ACSF3: variants seen among roughly 807,000 people sequenced by gnomAD.
ACSF3 encodes malonate--CoA ligase ACSF3, mitochondrial.
A neutral mutation model predicts 53.2 loss-of-function variants in ACSF3; 78 were observed. The observed-to-expected ratio is 1.47, with a 90% CI of 1.22 to 1.77. The LOEUF is 1.77. Among genes scored for constraint, ACSF3 ranks in the 40% most tolerant of loss-of-function variants. The pLI, the probability that ACSF3 is intolerant of heterozygous loss-of-function variation, is 0.00. For missense variants in ACSF3, 937 were observed against 771.1 expected (o/e 1.22, Z -2.55); for synonymous variants, 414 against 333.1 (o/e 1.24, Z -2.65).
In ACSF3 at chr16:89,144,642, G is replaced by A. The variant is rs111246219; in HGVS notation, c.1367-625G>A. On this transcript the variant is annotated intron_variant, in intron 8 of 10. Transcript: ENST00000614302. ...GGCAGGACAGGGCCTGGTGGGCCTCGGCCCCTCTCCCAGAGCAGCCTGCCT... is the reference window on the plus strand; with the variant it reads ...GGCAGGACAGGGCCTGGTGGGCCTCAGCCCCTCTCCCAGAGCAGCCTGCCT... 2.4e-4 allele frequency among the ~76,000 whole-genome samples: 37 copies of A among 152,312 alleles called. 1 individual carries two copies. In the South Asian group the frequency reaches 6.0e-3, roughly 25 times the overall value.
At chr16:89,140,211 G>A (rs1021460074) in intron 8 of ACSF3, among the ~76,000 whole-genome samples, 3 of 152,226 alleles carry the variant, frequency 2.0e-5, no homozygotes, top group Non-Finnish European at 2.9e-5. Context: ...AATGGAGGCC[G>A]CCTTCCCCAC....
intron 8 of ACSF3, among the ~76,000 whole-genome samples, chr16:89,144,156 G>C (rs571299108): frequency 6.6e-6 from 1 of 152,216 alleles, no homozygotes; most frequent in African/African-American, 2.4e-5. Flanking sequence ...CTTCGGGCTG[G>C]GAGTACAGGC....
Position 89,100,967 on chromosome 16 carries a change from G to T in ACSF3, c.286G>T (p.Glu96Ter), listed in dbSNP as rs1975233179. 6.2e-7 allele frequency: 1 copy of T among 1,613,624 alleles called. No homozygotes were observed. The highest frequency in any genetic ancestry group is 8.5e-7 in the Non-Finnish European group (1 of 1,179,940). Reference sequence around the variant, plus strand: ...GTGTGTCGGCGGGGACCTCCGGGAGGAGAGGGTCTCCTTCCTATGCGCTAA... The same window carrying T: ...GTGTGTCGGCGGGGACCTCCGGGAGTAGAGGGTCTCCTTCCTATGCGCTAA... ...CGCVGGDLREERVSFLCANDA... is the reference protein window; with the variant it reads ...CGCVGGDLRE The change falls in exon 3 of 11, where the codon GAG (glutamate) becomes TAG (stop). Residue 96 changes from glutamate to a stop codon, truncating the protein, a stop_gained. Transcript: ENST00000614302. LOFTEE classifies it high-confidence loss of function.
intron 8 of ACSF3, chr16:89,136,672 G>C: frequency 7.8e-7 from 1 of 1,287,206 alleles, no homozygotes. Context: ...CTCCGGGTCA[G>C]GATGAGAGGA....
At chr16:89,124,398 T>A (rs897201399) in intron 7 of ACSF3, among the ~76,000 whole-genome samples, 1 of 72,966 alleles carries the variant, frequency 1.4e-5, no homozygotes, top group South Asian at 3.4e-4. Flanking sequence ...GTGTGTGCAC[T>A]GCTCATGTGT....
At chr16:89,104,978 G>T (rs1291228967) in intron 4 of ACSF3, among the ~76,000 whole-genome samples, 1 of 151,864 alleles carries the variant, frequency 6.6e-6, no homozygotes, top group Non-Finnish European at 1.5e-5. Context: ...ACACTTGCGT[G>T]ATTAGCCGTC....
chr16:89,102,821 C>T lies in ACSF3; in HGVS notation c.822+62C>T, dbSNP rs1474811875. Reference sequence around the variant, plus strand: ...ACTAGGCGCCTTTCCCCTGTCGGGGCCAGGGCTCTCAGCCGCGCCCTCAGC... The same window carrying T: ...ACTAGGCGCCTTTCCCCTGTCGGGGTCAGGGCTCTCAGCCGCGCCCTCAGC... On this transcript the variant is annotated intron_variant, in intron 4 of 10. Coordinates refer to ENST00000614302, the MANE Select transcript of ACSF3 (RefSeq NM_001243279.3). The T allele has an allele frequency of 4.4e-6, 7 of 1,589,460 alleles. No homozygotes were observed. The East Asian group carries it at 1.1e-4, about 26-fold the overall frequency.
chr16:89,109,887 T>C (rs959300265), intron 4 of ACSF3, among the ~76,000 whole-genome samples: 1 of 152,238 alleles, frequency 6.6e-6, no homozygotes, highest in Non-Finnish European at 1.5e-5. Context: ...CACCCAGTGC[T>C]GTTTTTTACG....
chr16:89,141,135 G>C, intron 8 of ACSF3: 1 of 1,287,192 alleles, frequency 7.8e-7, no homozygotes, highest in Non-Finnish European at 1.0e-6. Flanking sequence ...ACCTCCTCCC[G>C]CGGGGTGTCC....
chr16:89,136,749 T>C (rs565030792), intron 8 of ACSF3: 278 of 1,287,176 alleles, frequency 2.2e-4, no homozygotes, highest in Non-Finnish European at 2.6e-4. Context: ...ACAGCCCGCT[T>C]CTGCCTCAAG....
rs777750370 is a variant in ACSF3 at position 89,112,114 on chromosome 16, C to G, written c.845C>G (p.Ser282Cys). Reference protein sequence around the residue: ...PQQVWEKFLSSETPRINVFMA... With the variant: ...PQQVWEKFLSCETPRINVFMA... Reference sequence around the variant, plus strand: ...TAGGTTTGGGAAAAGTTCTTAAGTTCTGAAACGCCGCGGATCAATGTCTTT... The same window carrying G: ...TAGGTTTGGGAAAAGTTCTTAAGTTGTGAAACGCCGCGGATCAATGTCTTT... The change falls in exon 5 of 11, where the codon TCT becomes TGT. Residue 282 changes from serine to cysteine, a missense_variant. Transcript: ENST00000614302. The G allele has an allele frequency of 1.5e-5, 25 of 1,614,048 alleles. No individual in the cohort carries two copies. Among genetic ancestry groups the G allele is most frequent in the Non-Finnish European group, 2.1e-5 (25 of 1,179,994 alleles).
At chr16:89,119,966 TCA>T (rs530176262) in intron 6 of ACSF3, among the ~76,000 whole-genome samples, 2 of 152,196 alleles carry the variant, frequency 1.3e-5, no homozygotes, top group Non-Finnish European at 2.9e-5. Flanking sequence ...GGCAAAGGCC[TCA>T]CGCCCCGGGA....
intron 6 of ACSF3, among the ~76,000 whole-genome samples, chr16:89,117,478 A>G (rs1321669370): frequency 6.6e-6 from 1 of 151,996 alleles, no homozygotes; most frequent in Non-Finnish European, 1.5e-5. Flanking sequence ...ACCACTGTCT[A>G]CACCGAGGGA....
At chr16:89,130,729 G>A (rs1268471767) in intron 7 of ACSF3, among the ~76,000 whole-genome samples, 1 of 152,152 alleles carries the variant, frequency 6.6e-6, no homozygotes, top group African/African-American at 2.4e-5. Context: ...TGTCCTGTTT[G>A]GGATTCTCTC....
chr16:89,106,579 A>G (rs998735822), intron 4 of ACSF3, among the ~76,000 whole-genome samples: 3 of 152,380 alleles, frequency 2.0e-5, no homozygotes, highest in African/African-American at 7.2e-5. Context: ...GACGTAAGCC[A>G]CTATGCCCAG....
chr16:89,124,106 TGCCTAGTGTGC>T (rs1907382331), intron 7 of ACSF3, among the ~76,000 whole-genome samples: 1 of 137,006 alleles, frequency 7.3e-6, no homozygotes, highest in Non-Finnish European at 1.6e-5. Flanking sequence ...ATCACACACA[TGCCTAGTGTGC>T]GCATGGGTAT....
chr16:89,111,593 A>G (rs1976682269), intron 4 of ACSF3, among the ~76,000 whole-genome samples: 1 of 152,286 alleles, frequency 6.6e-6, no homozygotes, highest in Non-Finnish European at 1.5e-5. Flanking sequence ...AGAACCCGCT[A>G]ACGAGTGAGG....
chr16:89,114,089 G>T, intron 5 of ACSF3: 1 of 563,898 alleles, frequency 1.8e-6, no homozygotes. Flanking sequence ...TTAGCTGTTG[G>T]ACCTGCTTCC....
chr16:89,101,227 G>T lies in ACSF3; in HGVS notation c.546G>T (p.Pro182=). Residue 182 remains proline (P), a synonymous_variant, in exon 3 of 11, where the codon CCG becomes CCT. Transcript: ENST00000614302. Reference sequence around the variant, plus strand: ...TCTACACTGGAGCAGTAGAGGAACCGGCAGAGGTCCCGGTCCCAGAGCAGG... The same window carrying T: ...TCTACACTGGAGCAGTAGAGGAACCTGCAGAGGTCCCGGTCCCAGAGCAGG... The part of the protein sequence containing the change: ...PAIYTGAVEE[P]AEVPVPEQGW... 2 of 1,601,854 alleles carry T rather than the reference G, an allele frequency of 1.2e-6. No individual in the cohort carries two copies. Among genetic ancestry groups the T allele is most frequent in the Non-Finnish European group, 1.7e-6 (2 of 1,174,510 alleles).
Sources: gnomAD v4.1 joint callset for allele counts (sites outside exome capture counted in the v4.1 genomes callset) on GRCh38, gnomAD v4.1.1 for gene constraint, MANE v1.5 for transcripts, NCBI Gene and HGNC (gene_info 2026-07-23, HGNC 2026-07-21) for gene names.